Variants in KHDRBS2 observed in about 807,000 individuals in gnomAD.
KHDRBS2 encodes KH RNA binding domain containing, signal transduction associated 2, also known as KH domain-containing, RNA-binding, signal transduction-associated protein 2.
In KHDRBS2, 26 loss-of-function variants were observed where a neutral mutation model predicts 44.3. The ratio of observed to expected loss-of-function variants is 0.59; its 90% CI spans 0.43 to 0.81. The LOEUF (loss-of-function observed/expected upper bound fraction) is 0.81, where lower values mean the gene tolerates loss of function less well. KHDRBS2 is among the 40% of genes least tolerant of loss of function. The probability of loss-of-function intolerance (pLI) is 0.00; values close to 1 mark genes in which losing one functional copy is unlikely to be tolerated. For synonymous variants in KHDRBS2, 194 were observed against 151.1 expected, an observed-to-expected ratio of 1.28 and a Z score of -2.08; for missense variants, 476 against 433.1, an observed-to-expected ratio of 1.10 and a Z score of -0.88.
At chr6:61,884,379 C>T (rs1051714333) in intron 6 of KHDRBS2, among the ~76,000 whole-genome samples, 11 of 152,044 alleles carry the variant, frequency 7.2e-5, no homozygotes, top group Non-Finnish European at 1.5e-4. Context: ...TATATCTCTT[C>T]TTGCTTTGTT....
chr6:61,657,812 C>T, the KHDRBS2 span, among the ~76,000 whole-genome samples: 6 of 151,968 alleles, frequency 3.9e-5, no homozygotes, highest in Non-Finnish European at 8.8e-5. Flanking sequence ...CCTGTCCTTC[C>T]TTCCCTTGTC....
Position 62,032,121 on chromosome 6 carries a change from G to A in KHDRBS2, c.336+15757C>T, listed in dbSNP as rs138714850. On this transcript the variant is annotated intron_variant, in intron 3 of 8. Coordinates refer to ENST00000281156, the MANE Select transcript of KHDRBS2 (RefSeq NM_152688.4). Reference sequence around the variant, plus strand: ...TAATCCAGAGAATTCTCCTGGATCCGGTCCAAGACCATTGTGATGGTTAAT... The same window carrying A: ...TAATCCAGAGAATTCTCCTGGATCCAGTCCAAGACCATTGTGATGGTTAAT... Among the ~76,000 whole-genome samples, 318 of 152,136 alleles carry A rather than the reference G, an allele frequency of 2.1e-3. 1 individual carries two copies. Among genetic ancestry groups the A allele is most frequent in the South Asian group, 4.4e-3 (21 of 4,826 alleles).
chr6:61,931,338 G>C (rs1375092674), intron 4 of KHDRBS2, among the ~76,000 whole-genome samples: 1 of 151,828 alleles, frequency 6.6e-6, no homozygotes, highest in African/African-American at 2.4e-5. Flanking sequence ...AAGGTTGGAA[G>C]TTTTATAAAA....
chr6:61,830,540 A>T (rs1157056443), intron 6 of KHDRBS2, among the ~76,000 whole-genome samples: 1 of 152,232 alleles, frequency 6.6e-6, no homozygotes, highest in East Asian at 1.9e-4. Flanking sequence ...GAATTCTGCA[A>T]TTCTGCATTC....
chr6:61,869,721 G>T (rs1798324839), intron 6 of KHDRBS2, among the ~76,000 whole-genome samples: 1 of 152,094 alleles, frequency 6.6e-6, no homozygotes. Context: ...GCCGAAGCAG[G>T]GTGGGGTGTC....
intron 6 of KHDRBS2, among the ~76,000 whole-genome samples, chr6:61,835,278 G>A (rs970786193): frequency 4.6e-5 from 7 of 152,030 alleles, no homozygotes; most frequent in South Asian, 2.1e-4. Flanking sequence ...TCATGCCTAC[G>A]TGGCAATTCT....
In KHDRBS2 at chr6:61,826,319, C is replaced by A. The variant is rs578060909; in HGVS notation, c.810+68316G>T. Among the ~76,000 whole-genome samples, 3 of 152,078 alleles carry A rather than the reference C, an allele frequency of 2.0e-5. No homozygotes were observed. The South Asian group carries it at 6.2e-4, about 32-fold the overall frequency. On this transcript the variant is annotated intron_variant, in intron 6 of 8. Transcript: ENST00000281156. ...TCCTATGTTAAGCCAGGAGCAGGCA[C>A]TGGCAAGAAATCAGAGGGAAGGAAG... is the stretch of plus-strand genomic sequence containing the variant.
At chr6:62,197,671 A>T (rs1825977430) in intron 1 of KHDRBS2, among the ~76,000 whole-genome samples, 2 of 152,168 alleles carry the variant, frequency 1.3e-5, no homozygotes, top group Admixed American at 1.3e-4. Flanking sequence ...AACATTAGAC[A>T]GATCAACCAG....
At chr6:61,933,548 T>C (rs1810477948) in intron 4 of KHDRBS2, among the ~76,000 whole-genome samples, 1 of 152,092 alleles carries the variant, frequency 6.6e-6, no homozygotes, top group Non-Finnish European at 1.5e-5. Flanking sequence ...TATCCAAACA[T>C]TGTGGAAGGG....
intron 2 of KHDRBS2, among the ~76,000 whole-genome samples, chr6:62,073,530 C>CTTTTTTTTTTTTTTTTTTTTTT (rs60124030): frequency 8.0e-6 from 1 of 124,416 alleles, no homozygotes; most frequent in Admixed American, 8.1e-5. Flanking sequence ...TTTCTTTTTT[C>CTTTTTTTTTTTTTTTTTTTTTT]TTTTTTTTTT....
chr6:61,683,523 A>C (rs1766520531), intron 8 of KHDRBS2, among the ~76,000 whole-genome samples: 1 of 151,890 alleles, frequency 6.6e-6, no homozygotes, highest in Admixed American at 6.6e-5. Flanking sequence ...ACTATGCAGA[A>C]AGTTCCAGTG....
Position 62,185,849 on chromosome 6 carries a change from C to A in KHDRBS2, c.92-8537G>T, listed in dbSNP as rs551912023. On this transcript the variant is annotated intron_variant, in intron 1 of 8. Coordinates refer to ENST00000281156, the MANE Select transcript of KHDRBS2 (RefSeq NM_152688.4). The stretch of plus-strand genomic sequence containing the variant: ...CCTCATGGAGTTGTACAGAGTAACT[C>A]AGAAATTTCACTCTTTATAAACTCC... Among the ~76,000 whole-genome samples the A allele has an allele frequency of 4.6e-5, 7 of 152,092 alleles. No homozygotes were observed. The South Asian group carries it at 1.4e-3, about 31-fold the overall frequency.
intron 3 of KHDRBS2, among the ~76,000 whole-genome samples, chr6:62,004,102 G>C (rs1778769933): frequency 6.6e-6 from 1 of 152,090 alleles, no homozygotes; most frequent in South Asian, 2.1e-4. Flanking sequence ...AACTAGAGAA[G>C]CAAGAGCAAA....
At chr6:62,283,888 C>T (rs191772522) in intron 1 of KHDRBS2, among the ~76,000 whole-genome samples, 100 of 152,222 alleles carry the variant, frequency 6.6e-4, no homozygotes, top group Non-Finnish European at 1.1e-3. Context: ...ATTATAACCT[C>T]CTCCATTCTC....
At chr6:62,232,071 G>A (rs1278504141) in intron 1 of KHDRBS2, among the ~76,000 whole-genome samples, 6 of 152,026 alleles carry the variant, frequency 3.9e-5, no homozygotes, top group South Asian at 4.1e-4. Flanking sequence ...GAGTTACACT[G>A]TCATTTTTAG....
At chr6:61,588,840 G>A in the KHDRBS2 span, among the ~76,000 whole-genome samples, 124 of 151,826 alleles carry the variant, frequency 8.2e-4, no homozygotes, top group East Asian at 8.3e-3. Context: ...TAATAGACTC[G>A]ATAAAGAAAA....
At chr6:61,812,316 A>G (rs1278725184) in intron 6 of KHDRBS2, among the ~76,000 whole-genome samples, 1 of 152,012 alleles carries the variant, frequency 6.6e-6, no homozygotes, top group Non-Finnish European at 1.5e-5. Context: ...TACCTCTTTA[A>G]CTTCCTAGTA....
chr6:61,655,595 G>A, the KHDRBS2 span, among the ~76,000 whole-genome samples: 45 of 152,050 alleles, frequency 3.0e-4, no homozygotes, highest in African/African-American at 1.1e-3. Context: ...TCTGCTTTAT[G>A]TGACCAGAAG....
At position 62,177,244 on chromosome 6, in the gene KHDRBS2, T is replaced by C. The variant is rs1821318893; in HGVS notation, c.160A>G (p.Ser54Gly). The C allele has an allele frequency of 1.3e-6, 2 of 1,598,550 alleles. No individual in the cohort carries two copies. The highest frequency in any genetic ancestry group is 2.2e-5 in the South Asian group (2 of 90,500). The change falls in exon 2 of 9, where the codon AGC becomes GGC. Residue 54 changes from serine to glycine, a missense_variant. Physicochemically the swap from Ser to Gly is moderately conservative, Grantham distance 56. Coordinates refer to ENST00000281156, the MANE Select transcript of KHDRBS2 (RefSeq NM_152688.4). ...TCTGAGAGCTTTATGTTTTTGTTGC[T>C]GATGACATCAAGATACTTCTTTTCT... The part of the protein sequence containing the change: ...DEEKKYLDVI[S>G]NKNIKLSERV...
Sources: gnomAD v4.1 joint callset for allele counts (sites outside exome capture counted in the v4.1 genomes callset) on GRCh38, gnomAD v4.1.1 for gene constraint, MANE v1.5 for transcripts, NCBI Gene and HGNC (gene_info 2026-07-23, HGNC 2026-07-21) for gene names.